ADAMTS9: variants seen among roughly 807,000 people sequenced by gnomAD.
The protein encoded by ADAMTS9 is ADAM metallopeptidase with thrombospondin type 1 motif 9.
ADAMTS9 carries 107 observed loss-of-function variants against 257.1 expected under a neutral mutation model. The ratio of observed to expected loss-of-function variants is 0.42; its 90% CI spans 0.36 to 0.49. The LOEUF (loss-of-function observed/expected upper bound fraction) is 0.49. Among genes scored for constraint, ADAMTS9 ranks in the 20% least tolerant of loss-of-function variants. The probability of loss-of-function intolerance (pLI) is 0.03; values close to 1 mark genes in which losing one functional copy is unlikely to be tolerated. For synonymous variants in ADAMTS9, 982 were observed against 880.9 expected, an observed-to-expected ratio of 1.11 and a Z score of -2.03; for missense variants, 2,353 against 2,469.1, an observed-to-expected ratio of 0.95 and a Z score of 1.00.
chr3:64,530,383 G>C (rs1340983712), intron 38 of ADAMTS9, among the ~76,000 whole-genome samples: 1 of 152,064 alleles, frequency 6.6e-6, no homozygotes, highest in Non-Finnish European at 1.5e-5. Flanking sequence ...CCACACGGGG[G>C]AAGTCAGACA....
At chr3:64,573,207 T>A (rs541776435) in intron 28 of ADAMTS9, among the ~76,000 whole-genome samples, 1 of 151,998 alleles carries the variant, frequency 6.6e-6, no homozygotes, top group East Asian at 1.9e-4. Context: ...ATGCAAGGAC[T>A]AATGCATGGG....
intron 38 of ADAMTS9, among the ~76,000 whole-genome samples, chr3:64,531,004 T>C (rs1559749001): frequency 6.6e-6 from 1 of 152,138 alleles, no homozygotes; most frequent in Non-Finnish European, 1.5e-5. Context: ...CGGGGCACAT[T>C]CTAAAGCTCA....
intron 12 of ADAMTS9, among the ~76,000 whole-genome samples, chr3:64,637,933 A>G (rs193181351): frequency 6.6e-6 from 1 of 152,332 alleles, no homozygotes; most frequent in East Asian, 1.9e-4. Flanking sequence ...TTTCGAAACA[A>G]CTTCATCCAA....
At chr3:64,653,707 A>C (rs1188661386) in intron 8 of ADAMTS9, among the ~76,000 whole-genome samples, 1 of 152,218 alleles carries the variant, frequency 6.6e-6, no homozygotes, top group African/African-American at 2.4e-5. Flanking sequence ...CAAAACTCAG[A>C]ATAATTTCTA....
rs1017077962 is a variant in ADAMTS9, at chr3:64,548,598, G to GC, written c.4870-1647_4870-1646insG. ...AAGTCGTCCCCTGGCTATTTATGTG[G>GC]GGGGGAGCCCAGTGGGAGACAGGCA... is the stretch of plus-strand genomic sequence containing the variant. On this transcript the variant is annotated intron_variant, in intron 31 of 39. Transcript: ENST00000498707. Among the ~76,000 whole-genome samples the GC allele has an allele frequency of 1.1e-4, 16 of 151,742 alleles. No homozygotes were observed. In the South Asian group the frequency reaches 1.7e-3, roughly 16 times the overall value.
intron 3 of ADAMTS9, among the ~76,000 whole-genome samples, chr3:64,666,088 C>T (rs1000733476): frequency 2.0e-5 from 3 of 152,112 alleles, no homozygotes; most frequent in African/African-American, 2.4e-5. Context: ...AGATAGTATC[C>T]TTATTTTAAA....
chr3:64,680,625 G>C (rs946678890), intron 3 of ADAMTS9, among the ~76,000 whole-genome samples: 5 of 152,164 alleles, frequency 3.3e-5, no homozygotes, highest in African/African-American at 1.2e-4. Flanking sequence ...GGGCACATAG[G>C]ATTTGACTGG....
At chr3:64,606,876 G>C in intron 23 of ADAMTS9, 84 bp downstream of exon 23, 1 of 1,552,102 alleles carries the variant, frequency 6.4e-7, no homozygotes, top group African/African-American at 1.4e-5. Context: ...ATCTATGAAA[G>C]GATTTCAATT....
chr3:64,608,779 T>C (rs1219469430), intron 22 of ADAMTS9, among the ~76,000 whole-genome samples: 3 of 151,802 alleles, frequency 2.0e-5, no homozygotes, highest in African/African-American at 7.3e-5. Flanking sequence ...ACATCCTAAC[T>C]TATTCTATGA....
At chr3:64,554,189 T>C (rs1029394305) in intron 30 of ADAMTS9, among the ~76,000 whole-genome samples, 1 of 152,306 alleles carries the variant, frequency 6.6e-6, no homozygotes, top group South Asian at 2.1e-4. Context: ...GAATCCTAAA[T>C]ACTTTATGCT....
chr3:64,606,959 C>T lies in ADAMTS9; in HGVS notation c.3474+1G>A, dbSNP rs772663755. 12 of 1,613,542 alleles carry T rather than the reference C, an allele frequency of 7.4e-6. No individual in the cohort carries two copies. Among genetic ancestry groups the T allele is most frequent in the African/African-American group, 1.3e-5 (1 of 75,018 alleles). Reference sequence around the variant, plus strand: ...AACTGAGTTGGACAAAGGAAACTTACCTGGGTATCAGTTGGTCTAGTTGCT... The same window carrying T: ...AACTGAGTTGGACAAAGGAAACTTATCTGGGTATCAGTTGGTCTAGTTGCT... On this transcript the variant is annotated splice_donor_variant, in intron 23 of 39. Transcript: ENST00000498707. LOFTEE classifies it high-confidence loss of function.
chr3:64,607,702 C>A (rs1283237625), intron 22 of ADAMTS9, among the ~76,000 whole-genome samples: 1 of 152,122 alleles, frequency 6.6e-6, no homozygotes, highest in Admixed American at 6.5e-5. Context: ...ACTGAAGCAA[C>A]TGTTAAGCTG....
intron 30 of ADAMTS9, among the ~76,000 whole-genome samples, chr3:64,561,086 T>G (rs1412132505): frequency 6.9e-6 from 1 of 144,568 alleles, no homozygotes; most frequent in African/African-American, 2.7e-5. Context: ...TTTTTAAATG[T>G]TAGAAATCTT....
rs1163507784 is a variant in ADAMTS9 at position 64,687,993 on chromosome 3, C to A, written c.-336G>T. The A allele has an allele frequency of 1.1e-5, 2 of 175,252 alleles. No homozygotes were observed. The highest frequency in any genetic ancestry group is 2.4e-5 in the Non-Finnish European group (2 of 84,462). The allele number at this position is 175,252 out of a possible 1,614,324, so 10.9% of individuals were successfully genotyped here. The stretch of plus-strand genomic sequence containing the variant: ...AACTTGCGCTCCGAGGCGCGCCGGG[C>A]GCCCTGTGCTGGCCGGGATAGCTGA... On this transcript the variant is annotated 5_prime_UTR_variant, in exon 1 of 40. Transcript: ENST00000498707. This position sits in a 1 kb window ranked among gnomAD's most constrained non-coding sequence, Gnocchi z 4.4.
At chr3:64,530,527 A>T (rs1042507199) in intron 38 of ADAMTS9, among the ~76,000 whole-genome samples, 8 of 93,332 alleles carry the variant, frequency 8.6e-5, no homozygotes, top group South Asian at 3.0e-4. Flanking sequence ...ACCAAGATTT[A>T]AAAAAAAAAA....
chr3:64,569,133 T>C (rs1362268536), intron 28 of ADAMTS9: 1 of 152,808 alleles, frequency 6.5e-6, no homozygotes, highest in Non-Finnish European at 1.5e-5. Context: ...GCAGATTCAC[T>C]GGACTGTTTT....
chr3:64,587,553 G>A (rs1017468522), intron 28 of ADAMTS9: 1 of 152,040 alleles, frequency 6.6e-6, no homozygotes, highest in African/African-American at 2.4e-5. Flanking sequence ...ATAAAGGAAG[G>A]CAAAAATAGA....
At chr3:64,626,675 A>G (rs1020683966) in intron 16 of ADAMTS9, among the ~76,000 whole-genome samples, 4 of 152,162 alleles carry the variant, frequency 2.6e-5, no homozygotes, top group African/African-American at 9.7e-5. Context: ...CTGTAGTCCT[A>G]CCCCTTAAAT....
Position 64,550,993 on chromosome 3 carries a change from C to A in ADAMTS9, c.4768G>T (p.Val1590Leu), listed in dbSNP as rs960876252. 1.2e-6 allele frequency: 2 copies of A among 1,614,202 alleles called. No homozygotes were observed. Among genetic ancestry groups the A allele is most frequent in the East Asian group, 2.2e-5 (1 of 44,870 alleles). The part of the protein sequence containing the change: ...VVCVDDNKNE[V>L]HGARCDVSKR... ...CTCACGTCACAGCGTGCCCCATGCA[C>A]CTCGTTTTTGTTGTCATCCACACAC... The change falls in exon 31 of 40, where the codon GTG becomes TTG. Residue 1590 changes from valine to leucine, a missense_variant. Transcript: ENST00000498707.
Sources: allele counts gnomAD v4.1 joint callset (sites outside exome capture counted in the v4.1 genomes callset), GRCh38; gene constraint gnomAD v4.1.1; non-coding constraint Gnocchi (gnomAD v3.1); transcripts MANE v1.5; gene names NCBI Gene and HGNC (gene_info 2026-07-23, HGNC 2026-07-21).